Variants in LAPTM4B observed in about 807,000 individuals in gnomAD.
LAPTM4B encodes the protein lysosomal-associated transmembrane protein 4B.
In LAPTM4B, 26 loss-of-function variants were observed where a neutral mutation model predicts 28.5. The observed-to-expected ratio is 0.91, with a 90% CI of 0.67 to 1.27. LAPTM4B has a LOEUF of 1.27. LAPTM4B is among the 50% of genes most tolerant of loss of function. The pLI is 0.00. For missense variants in LAPTM4B, 288 were observed against 285.8 expected, an observed-to-expected ratio of 1.01 and a Z score of -0.06; for synonymous variants, 109 against 106.4, an observed-to-expected ratio of 1.02 and a Z score of -0.15.
chr8:97,811,577 C>T (rs891469862), intron 2 of LAPTM4B, among the ~76,000 whole-genome samples: 8 of 152,080 alleles, frequency 5.3e-5, no homozygotes, highest in Admixed American at 2.0e-4. Flanking sequence ...TGAGGAGGGC[C>T]GCCTTTCCTG....
chr8:97,792,072 T>TA (rs1205286966), intron 1 of LAPTM4B, among the ~76,000 whole-genome samples: 1 of 152,108 alleles, frequency 6.6e-6, no homozygotes, highest in Non-Finnish European at 1.5e-5. Flanking sequence ...TAATAAAAGA[T>TA]ACAACATCCA....
At chr8:97,786,832 G>T (rs1475042835) in intron 1 of LAPTM4B, among the ~76,000 whole-genome samples, 2 of 152,170 alleles carry the variant, frequency 1.3e-5, no homozygotes, top group Non-Finnish European at 2.9e-5. Context: ...ACTAACAGTA[G>T]TGGGCCTGGG....
intron 2 of LAPTM4B, among the ~76,000 whole-genome samples, chr8:97,814,778 C>G (rs1816879690): frequency 6.6e-6 from 1 of 152,114 alleles, no homozygotes; most frequent in Non-Finnish European, 1.5e-5. Context: ...ACTGCAAGCT[C>G]TGTCTCCCAG....
chr8:97,825,929 T>A (rs901717285), intron 6 of LAPTM4B, among the ~76,000 whole-genome samples: 21 of 152,140 alleles, frequency 1.4e-4, no homozygotes, highest in Admixed American at 6.6e-5. Flanking sequence ...TCAAAACGGA[T>A]AGGATTGGAC....
At chr8:97,811,690 A>C (rs774369146) in intron 2 of LAPTM4B, among the ~76,000 whole-genome samples, 1 of 152,202 alleles carries the variant, frequency 6.6e-6, no homozygotes, top group Non-Finnish European at 1.5e-5. Context: ...CTAACTTGGC[A>C]GTCTGCACAG....
At chr8:97,783,666 TACCA>T in intron 1 of LAPTM4B, among the ~76,000 whole-genome samples, 1 of 152,174 alleles carries the variant, frequency 6.6e-6, no homozygotes, top group South Asian at 2.1e-4. Context: ...TACCACAGGC[TACCA>T]AGTATCTTTT....
chr8:97,845,186 T>C (rs1204881655), intron 6 of LAPTM4B, among the ~76,000 whole-genome samples: 1 of 152,182 alleles, frequency 6.6e-6, no homozygotes. Context: ...CCTCGTGTAG[T>C]TTCATCACAT....
intron 1 of LAPTM4B, among the ~76,000 whole-genome samples, chr8:97,789,221 G>C (rs1816459100): frequency 6.6e-6 from 1 of 150,992 alleles, no homozygotes; most frequent in Non-Finnish European, 1.5e-5. Flanking sequence ...TTACAGGCAA[G>C]TGCCACCACG....
intron 6 of LAPTM4B, among the ~76,000 whole-genome samples, chr8:97,825,502 T>C (rs1451300881): frequency 6.6e-6 from 1 of 152,202 alleles, no homozygotes; most frequent in Non-Finnish European, 1.5e-5. Context: ...TGTATGACAT[T>C]ATATTAACTC....
At chr8:97,819,988 G>A (rs1816979517) in intron 5 of LAPTM4B, among the ~76,000 whole-genome samples, 1 of 151,932 alleles carries the variant, frequency 6.6e-6, no homozygotes, top group Admixed American at 6.6e-5. Context: ...GCCCACCTCG[G>A]CCTCCCAAAG....
At chr8:97,838,889 A>C (rs1269301830) in intron 6 of LAPTM4B, among the ~76,000 whole-genome samples, 3 of 152,206 alleles carry the variant, frequency 2.0e-5, no homozygotes. Context: ...AAGAAAGGGT[A>C]AAAGTAAATT....
Position 97,850,821 on chromosome 8 carries a change from GATATAACTATTCT to G in LAPTM4B, c.604-575_604-563del, listed in dbSNP as rs1167406162. 6.0e-5 allele frequency among the ~76,000 whole-genome samples: 9 copies of G among 148,812 alleles called. 1 individual carries two copies. In the Admixed American group the frequency reaches 6.1e-4, roughly 10 times the overall value. ...AATGTTAGTTTACTGAATGAAGGGTGATATAACTATTCTGTATTCCATTTTCTACTCCAAGAAA... is the reference window on the plus strand; with the variant it reads ...AATGTTAGTTTACTGAATGAAGGGTGGTATTCCATTTTCTACTCCAAGAAA... On this transcript the variant is annotated intron_variant, in intron 6 of 6. Transcript: ENST00000521545.
intron 6 of LAPTM4B, among the ~76,000 whole-genome samples, chr8:97,828,362 G>A (rs930791669): frequency 6.6e-6 from 1 of 152,110 alleles, no homozygotes; most frequent in African/African-American, 2.4e-5. Context: ...AGCATATGTC[G>A]AATTTAGTGA....
intron 1 of LAPTM4B, among the ~76,000 whole-genome samples, chr8:97,802,204 CAA>C (rs1261523330): frequency 6.6e-6 from 1 of 152,076 alleles, no homozygotes; most frequent in Non-Finnish European, 1.5e-5. Context: ...AGTAAAGAAA[CAA>C]AAGAATGGTT....
intron 5 of LAPTM4B, among the ~76,000 whole-genome samples, chr8:97,819,926 G>A (rs571762387): frequency 6.6e-6 from 1 of 152,010 alleles, no homozygotes; most frequent in South Asian, 2.1e-4. Flanking sequence ...TAGTAGAGAT[G>A]GGGTTTCACT....
At chr8:97,789,525 A>ATT (rs113511742) in intron 1 of LAPTM4B, among the ~76,000 whole-genome samples, 5 of 130,878 alleles carry the variant, frequency 3.8e-5, no homozygotes, top group Non-Finnish European at 3.3e-5. Flanking sequence ...TACCTGGCTA[A>ATT]TTTTTTTTTT....
At chr8:97,838,426 C>T (rs1447932093) in intron 6 of LAPTM4B, among the ~76,000 whole-genome samples, 1 of 152,204 alleles carries the variant, frequency 6.6e-6, no homozygotes, top group Non-Finnish European at 1.5e-5. Context: ...AGTTGCCGCC[C>T]ATCAGGCCTT....
chr8:97,778,596 C>T (rs1353673952), intron 1 of LAPTM4B, among the ~76,000 whole-genome samples: 1 of 152,146 alleles, frequency 6.6e-6, no homozygotes, highest in South Asian at 2.1e-4. Flanking sequence ...CCAGAGCCCC[C>T]GCGTTTGTGT....
At chr8:97,795,834 CTT>C (rs1175657042) in intron 1 of LAPTM4B, among the ~76,000 whole-genome samples, 1 of 90,162 alleles carries the variant, frequency 1.1e-5, no homozygotes, top group Non-Finnish European at 2.2e-5. Flanking sequence ...GAGACTCTGT[CTT>C]TAAAAAAAAA....
Sources: gnomAD v4.1 joint callset for allele counts (sites outside exome capture counted in the v4.1 genomes callset) on GRCh38, gnomAD v4.1.1 for gene constraint, MANE v1.5 for transcripts, NCBI Gene and HGNC (gene_info 2026-07-23, HGNC 2026-07-21) for gene names.